The following CCBE1 variants were observed in gnomAD, a reference collection of about 807,000 sequenced individuals.
The protein encoded by CCBE1 is collagen and calcium binding EGF domains 1.
A neutral mutation model predicts 50.0 loss-of-function variants in CCBE1; 37 were observed. The observed-to-expected ratio is 0.74, with a 90% CI of 0.57 to 0.97. The LOEUF is 0.97. Ranked by LOEUF, CCBE1 falls within the 50% of genes least tolerant of loss-of-function variation. The pLI, the probability that CCBE1 is intolerant of heterozygous loss-of-function variation, is 0.00. For missense variants in CCBE1, 538 were observed against 523.8 expected (o/e 1.03, Z -0.26); for synonymous variants, 234 against 203.7 (o/e 1.15, Z -1.27).
chr18:59,546,315 C>T (rs1408141372), intron 2 of CCBE1, among the ~76,000 whole-genome samples: 1 of 152,224 alleles, frequency 6.6e-6, no homozygotes, highest in Non-Finnish European at 1.5e-5. Flanking sequence ...CGGGGGCTTC[C>T]CATGAATCAC....
intron 2 of CCBE1, among the ~76,000 whole-genome samples, chr18:59,634,958 CA>C (rs2053896816): frequency 6.6e-6 from 1 of 151,980 alleles, no homozygotes; most frequent in African/African-American, 2.4e-5. Context: ...ATTAGAAACC[CA>C]AGAGAAAGAA....
rs1035467092 is a variant in CCBE1 at position 59,514,910 on chromosome 18, C to T, written c.213-34672G>A. On this transcript the variant is annotated intron_variant, in intron 2 of 10. Coordinates refer to ENST00000439986, the MANE Select transcript of CCBE1 (RefSeq NM_133459.4). ...AGTTTCCTGATCCTAGCTCACTTTACGCCTAGAATTACAATAACCCAAGGG... is the reference window on the plus strand; with the variant it reads ...AGTTTCCTGATCCTAGCTCACTTTATGCCTAGAATTACAATAACCCAAGGG... Among the ~76,000 whole-genome samples, 11 of 152,186 alleles carry T rather than the reference C, an allele frequency of 7.2e-5. No homozygotes were observed. In the South Asian group the frequency reaches 8.3e-4, roughly 11 times the overall value.
intron 2 of CCBE1, among the ~76,000 whole-genome samples, chr18:59,583,674 TGTGTGTGCGCGC>T (rs201203562): frequency 0.093 from 12,268 of 131,396 alleles, 535 homozygotes; most frequent in East Asian, 0.19. Flanking sequence ...TGTGTGTGTG[TGTGTGTGCGCGC>T]GCGCGCGCGC....
intron 6 of CCBE1, among the ~76,000 whole-genome samples, chr18:59,453,868 C>T (rs1445937052): frequency 1.3e-5 from 2 of 152,130 alleles, no homozygotes; most frequent in African/African-American, 4.8e-5. Flanking sequence ...GGGTCCAGGA[C>T]AGTTGTTCAA....
At chr18:59,647,767 A>T (rs1599098528) in intron 2 of CCBE1, among the ~76,000 whole-genome samples, 1 of 152,366 alleles carries the variant, frequency 6.6e-6, no homozygotes, top group Non-Finnish European at 1.5e-5. Context: ...ACACATTTCA[A>T]TTGTTTCGAT....
chr18:59,458,780 C>A (rs147667084), intron 5 of CCBE1, among the ~76,000 whole-genome samples: 1 of 152,166 alleles, frequency 6.6e-6, no homozygotes, highest in African/African-American at 2.4e-5. Flanking sequence ...AGAAGCTCTG[C>A]GGAGTGACCT....
At chr18:59,437,323 C>T (rs962888304) in intron 10 of CCBE1, among the ~76,000 whole-genome samples, 4 of 152,290 alleles carry the variant, frequency 2.6e-5, no homozygotes, top group South Asian at 2.1e-4. Context: ...GAGCTTACAC[C>T]GTAAAGCACT....
chr18:59,600,859 G>C (rs1240622062), intron 2 of CCBE1, among the ~76,000 whole-genome samples: 1 of 151,994 alleles, frequency 6.6e-6, no homozygotes, highest in African/African-American at 2.4e-5. Context: ...CTTCAAGAAG[G>C]CTTTAAGGTT....
chr18:59,633,182 C>T (rs919918143), intron 2 of CCBE1, among the ~76,000 whole-genome samples: 2 of 152,148 alleles, frequency 1.3e-5, no homozygotes, highest in African/African-American at 4.8e-5. Flanking sequence ...AAGTTTGAAG[C>T]AGTGAAGCAC....
chr18:59,610,183 G>C (rs981136535), intron 2 of CCBE1, among the ~76,000 whole-genome samples: 5 of 152,220 alleles, frequency 3.3e-5, no homozygotes, highest in African/African-American at 1.2e-4. Context: ...AAATCTGGCT[G>C]GAGTGGAGAG....
chr18:59,590,100 A>T (rs1488314244), intron 2 of CCBE1, among the ~76,000 whole-genome samples: 4 of 152,292 alleles, frequency 2.6e-5, no homozygotes, highest in Admixed American at 1.3e-4. Flanking sequence ...CTATAGTCAG[A>T]AGCAAAACAC....
At chr18:59,559,037 G>T (rs1339895795) in intron 2 of CCBE1, among the ~76,000 whole-genome samples, 3 of 140,968 alleles carry the variant, frequency 2.1e-5, no homozygotes, top group African/African-American at 8.6e-5. Flanking sequence ...ATGAGGATGG[G>T]ATGAGGTGAG....
At chr18:59,581,960 C>T (rs542870728) in intron 2 of CCBE1, among the ~76,000 whole-genome samples, 2 of 152,226 alleles carry the variant, frequency 1.3e-5, no homozygotes, top group Non-Finnish European at 2.9e-5. Flanking sequence ...ACAATCCTAA[C>T]CCTCCTTAGG....
intron 2 of CCBE1, among the ~76,000 whole-genome samples, chr18:59,687,217 T>G (rs143401831): frequency 5.9e-5 from 9 of 152,312 alleles, no homozygotes; most frequent in African/African-American, 2.2e-4. Context: ...ACAGATGCCC[T>G]CCAATCTTCG....
intron 2 of CCBE1, among the ~76,000 whole-genome samples, chr18:59,631,711 C>T (rs1279679229): frequency 6.6e-6 from 1 of 152,218 alleles, no homozygotes; most frequent in Non-Finnish European, 1.5e-5. Context: ...AACCAAATAA[C>T]ACCAACTTAA....
chr18:59,441,131 A>G (rs1365068538), intron 7 of CCBE1, among the ~76,000 whole-genome samples: 1 of 152,234 alleles, frequency 6.6e-6, no homozygotes, highest in Non-Finnish European at 1.5e-5. Flanking sequence ...GAGAGTACCC[A>G]TCTCCAGGAG....
intron 2 of CCBE1, among the ~76,000 whole-genome samples, chr18:59,491,914 GGCGA>G (rs1913122224): frequency 1.3e-5 from 2 of 151,898 alleles, no homozygotes; most frequent in Admixed American, 6.6e-5. Flanking sequence ...GGGAGGCCGA[GGCGA>G]GTGGATTGCC....
chr18:59,446,837 T>C (rs1408072859), intron 7 of CCBE1, among the ~76,000 whole-genome samples: 1 of 152,174 alleles, frequency 6.6e-6, no homozygotes, highest in Non-Finnish European at 1.5e-5. Flanking sequence ...TTGCATATGC[T>C]CTATGTGTCT....
intron 2 of CCBE1, among the ~76,000 whole-genome samples, chr18:59,650,484 C>A (rs769527948): frequency 5.3e-5 from 8 of 151,662 alleles, no homozygotes; most frequent in East Asian, 2.0e-4. Context: ...AAGTCTGGCG[C>A]GTTAAAAGGT....
Sources: gnomAD v4.1 joint callset for allele counts (sites outside exome capture counted in the v4.1 genomes callset) on GRCh38, gnomAD v4.1.1 for gene constraint, MANE v1.5 for transcripts, NCBI Gene and HGNC (gene_info 2026-07-23, HGNC 2026-07-21) for gene names.